SEMA5A: variants seen among roughly 807,000 people sequenced by gnomAD.
SEMA5A encodes semaphorin 5A, also known as semaphorin-5A.
In SEMA5A, 55 loss-of-function variants were observed where a neutral mutation model predicts 135.5. That is an observed-to-expected ratio of 0.41 (90% CI 0.33 to 0.51). The LOEUF (loss-of-function observed/expected upper bound fraction) is 0.51. Among genes scored for constraint, SEMA5A ranks in the 20% least tolerant of loss-of-function variants. The pLI, the probability that SEMA5A is intolerant of heterozygous loss-of-function variation, is 0.37. For synonymous variants in SEMA5A, 580 were observed against 546.5 expected (o/e 1.06, Z -0.85); for missense variants, 1,290 against 1,419.9 (o/e 0.91, Z 1.47).
chr5:9,361,750 T>C (rs1278162373), intron 3 of SEMA5A, among the ~76,000 whole-genome samples: 1 of 152,230 alleles, frequency 6.6e-6, no homozygotes, highest in African/African-American at 2.4e-5. Context: ...TCAAGTCTGT[T>C]GGGAGTTGGT....
intron 15 of SEMA5A, 76 bp from the exon 16 acceptor site, chr5:9,108,363 C>A (rs1270645984): frequency 1.1e-5 from 17 of 1,546,026 alleles, no homozygotes; most frequent in African/African-American, 2.7e-5. Flanking sequence ...ATCTCCATCC[C>A]TGCACCAGAT....
chr5:9,282,108 G>A (rs1321088709), intron 5 of SEMA5A, among the ~76,000 whole-genome samples: 1 of 152,096 alleles, frequency 6.6e-6, no homozygotes, highest in Non-Finnish European at 1.5e-5. Flanking sequence ...ACCGTGCCCA[G>A]CCCAGGCACC....
intron 18 of SEMA5A, among the ~76,000 whole-genome samples, chr5:9,062,413 C>T (rs1030395106): frequency 2.0e-5 from 3 of 152,154 alleles, no homozygotes; most frequent in African/African-American, 4.8e-5. Flanking sequence ...TTCCTTTTTC[C>T]ACTCTGGGCT....
At chr5:9,539,225 T>C (rs965727966) in intron 1 of SEMA5A, among the ~76,000 whole-genome samples, 2 of 152,194 alleles carry the variant, frequency 1.3e-5, no homozygotes, top group Admixed American at 6.5e-5. Flanking sequence ...TGGTCTTCAG[T>C]GACTGGCTTC....
Position 9,129,736 on chromosome 5 carries a change from G to A in SEMA5A, c.1599+6768C>T, listed in dbSNP as rs554360097. 2.0e-5 allele frequency among the ~76,000 whole-genome samples: 3 copies of A among 152,268 alleles called. No individual in the cohort carries two copies. The East Asian group carries it at 5.8e-4, about 29-fold the overall frequency. On this transcript the variant is annotated intron_variant, in intron 13 of 22. Coordinates refer to ENST00000382496, the MANE Select transcript of SEMA5A (RefSeq NM_003966.3). ...ATTTAATATTAAACATTAGACCTTAGTGAGACATATACCATGTAGTGGTAG... is the reference window on the plus strand; with the variant it reads ...ATTTAATATTAAACATTAGACCTTAATGAGACATATACCATGTAGTGGTAG...
chr5:9,120,654 T>C (rs1209896449), intron 14 of SEMA5A, among the ~76,000 whole-genome samples: 1 of 152,334 alleles, frequency 6.6e-6, no homozygotes, highest in Non-Finnish European at 1.5e-5. Context: ...AGTTTTAATA[T>C]AAATAAATTA....
At chr5:9,503,868 A>G (rs549021621) in intron 1 of SEMA5A, among the ~76,000 whole-genome samples, 1 of 152,366 alleles carries the variant, frequency 6.6e-6, no homozygotes, top group South Asian at 2.1e-4. Context: ...CCTGGAACAG[A>G]CAAAGTGCTA....
At chr5:9,165,920 G>C (rs1743581570) in intron 11 of SEMA5A, among the ~76,000 whole-genome samples, 1 of 152,006 alleles carries the variant, frequency 6.6e-6, no homozygotes, top group South Asian at 2.1e-4. Flanking sequence ...AATTGGTCTT[G>C]GCACTGGGAG....
At chr5:9,480,940 TTTTTTTGG>T (rs201077607) in intron 1 of SEMA5A, among the ~76,000 whole-genome samples, 1,666 of 152,154 alleles carry the variant, frequency 0.011, 25 homozygotes, top group African/African-American at 0.037. Flanking sequence ...TGGTTTTTTG[TTTTTTTGG>T]TTTTTTGGTT....
At chr5:9,131,475 G>A (rs1421744575) in intron 13 of SEMA5A, among the ~76,000 whole-genome samples, 3 of 151,828 alleles carry the variant, frequency 2.0e-5, no homozygotes, top group Non-Finnish European at 4.4e-5. Flanking sequence ...GGGTGTGGTG[G>A]TGGGCACCTG....
rs562611527 is a variant in SEMA5A, at chr5:9,119,567, C to T, written c.1782-426G>A. ...AATCTATGAGAAGTGCACCTTTGGA[C>T]AAAATGCTCATCTAAAACTGCCGAA... On this transcript the variant is annotated intron_variant, in intron 14 of 22. Coordinates refer to ENST00000382496, the MANE Select transcript of SEMA5A (RefSeq NM_003966.3). Among the ~76,000 whole-genome samples the T allele has an allele frequency of 4.7e-4, 72 of 152,204 alleles. 1 individual carries two copies. Among genetic ancestry groups the T allele is most frequent in the Non-Finnish European group, 8.5e-4 (58 of 67,992 alleles).
chr5:9,462,586 C>T (rs1038744508), intron 1 of SEMA5A, among the ~76,000 whole-genome samples: 2 of 151,994 alleles, frequency 1.3e-5, no homozygotes, highest in Non-Finnish European at 2.9e-5. Context: ...AAATGCCCAG[C>T]AATTTTAGAC....
At chr5:9,173,403 G>A (rs1437766508) in intron 11 of SEMA5A, among the ~76,000 whole-genome samples, 2 of 151,380 alleles carry the variant, frequency 1.3e-5, no homozygotes, top group East Asian at 3.9e-4. Context: ...ACCATAGACT[G>A]GGGGGGTTAT....
intron 2 of SEMA5A, among the ~76,000 whole-genome samples, chr5:9,433,666 GA>G (rs911427371): frequency 1.5e-5 from 2 of 135,958 alleles, no homozygotes; most frequent in Admixed American, 7.8e-5. Context: ...ATTATTGCTT[GA>G]AAAAAAATTA....
intron 4 of SEMA5A, 48 bp from the exon 5 acceptor site, chr5:9,318,465 A>C: frequency 8.2e-6 from 12 of 1,463,798 alleles, no homozygotes; most frequent in Non-Finnish European, 1.1e-5. Flanking sequence ...AGATCACAGA[A>C]AGTTAAGAGT....
chr5:9,463,565 A>C (rs1336469180), intron 1 of SEMA5A, among the ~76,000 whole-genome samples: 1 of 152,120 alleles, frequency 6.6e-6, no homozygotes, highest in Non-Finnish European at 1.5e-5. Context: ...CCAAAATCTA[A>C]ACCATAAAAA....
intron 1 of SEMA5A, among the ~76,000 whole-genome samples, chr5:9,538,160 G>A (rs917436833): frequency 5.9e-5 from 9 of 152,106 alleles, no homozygotes; most frequent in African/African-American, 1.7e-4. Flanking sequence ...GAGGCAATTC[G>A]TATGTATCTC....
intron 6 of SEMA5A, among the ~76,000 whole-genome samples, chr5:9,235,081 A>C (rs1005256196): frequency 6.6e-6 from 1 of 152,210 alleles, no homozygotes; most frequent in African/African-American, 2.4e-5. Flanking sequence ...AAAGGCAACC[A>C]CATAGATTCT....
intron 5 of SEMA5A, among the ~76,000 whole-genome samples, chr5:9,271,303 A>G (rs1749961325): frequency 6.6e-6 from 1 of 152,176 alleles, no homozygotes; most frequent in Non-Finnish European, 1.5e-5. Context: ...TGAAACTGTG[A>G]GTCCATTAAA....
Sources: allele counts gnomAD v4.1 joint callset (sites outside exome capture counted in the v4.1 genomes callset), GRCh38; gene constraint gnomAD v4.1.1; transcripts MANE v1.5; gene names NCBI Gene and HGNC (gene_info 2026-07-23, HGNC 2026-07-21).